The following PCDHB11 variants were observed in gnomAD, a reference collection of about 807,000 sequenced individuals.
The protein encoded by PCDHB11 is protocadherin beta 11, also known as protocadherin beta-11.
For synonymous variants in PCDHB11, 522 were observed against 442.0 expected, an observed-to-expected ratio of 1.18 and a Z score of -2.27; for missense variants, 1,151 against 1,003.4, an observed-to-expected ratio of 1.15 and a Z score of -1.99.
In PCDHB11 at chr5:141,203,238, C is replaced by A. The variant is rs1414120031; in HGVS notation, c.*1070C>A. 1.3e-5 allele frequency: 2 copies of A among 152,214 alleles called. No individual in the cohort carries two copies. The highest frequency in any genetic ancestry group is 3.9e-4 in the East Asian group (2 of 5,180). 9.4% of individuals were successfully genotyped at this position (152,214 alleles called of 1,614,324 possible). The stretch of plus-strand genomic sequence containing the variant: ...AGCTGGGATTACAGGTGCACCACCA[C>A]ACCCAGCTAATTTTGCATTTTTAGT... On this transcript the variant is annotated 3_prime_UTR_variant, in exon 1 of 1. Transcript: ENST00000354757.
At position 141,202,001 on chromosome 5, in the gene PCDHB11, G is replaced by C; in HGVS notation, c.2227G>C (p.Gly743Arg). 6.2e-7 allele frequency: 1 copy of C among 1,614,186 alleles called. No individual in the cohort carries two copies. Among genetic ancestry groups the C allele is most frequent in the Non-Finnish European group, 8.5e-7 (1 of 1,180,022 alleles). Residue 743 changes from glycine (G) to arginine (R), a missense_variant, in exon 1 of 1, where the codon GGG becomes CGG. Transcript: ENST00000354757. The stretch of plus-strand genomic sequence containing the variant: ...GCATCTGGTGGACGTGAGCGGCACC[G>C]GGACCCTTTCCCAGAGCTACCAGTA... ...PGHLVDVSGT[G>R]TLSQSYQYEV...
Position 141,201,810 on chromosome 5 carries a change from C to T in PCDHB11, c.2036C>T (p.Ala679Val). The stretch of plus-strand genomic sequence containing the variant: ...CTGCCGCTCCCTGAGGCGGCACCGG[C>T]CCAGGCCCAGGCCGACTCGCTCACC... ...PYLPLPEAAP[A>V]QAQADSLTVY... is the part of the protein sequence containing the mutation. The change falls in exon 1 of 1, where the codon GCC (alanine) becomes GTC (valine). Residue 679 changes from alanine (A) to valine (V), a missense_variant. Transcript: ENST00000354757. 1 of 1,610,322 alleles carries T rather than the reference C, an allele frequency of 6.2e-7. No individual in the cohort carries two copies. The highest frequency in any genetic ancestry group is 8.5e-7 in the Non-Finnish European group (1 of 1,179,776).
chr5:141,202,405 T>G lies in PCDHB11; in HGVS notation c.*237T>G. 1 of 327,032 alleles carries G rather than the reference T, an allele frequency of 3.1e-6. No individual in the cohort carries two copies. The highest frequency in any genetic ancestry group is 5.5e-6 in the Non-Finnish European group (1 of 183,186). 20.3% of individuals were successfully genotyped at this position (327,032 alleles called of 1,614,324 possible). On this transcript the variant is annotated 3_prime_UTR_variant, in exon 1 of 1. Transcript: ENST00000354757. ...CCCTCCGCCTCTCGGGTTCAAGCAA[T>G]TCTCCTGCATCAGCCTCCCGAGTAG... is the stretch of plus-strand genomic sequence containing the variant.
Position 141,202,072 on chromosome 5 carries a change from C to G in PCDHB11, c.2298C>G (p.Phe766Leu). The G allele has an allele frequency of 6.2e-7, 1 of 1,614,144 alleles. No homozygotes were observed. ...TGGSETNEFKFLKPVIPNIQA... is the reference protein window; with the variant it reads ...TGGSETNEFKLLKPVIPNIQA... ...GTTCCGAGACAAATGAATTCAAGTT[C>G]CTAAAACCGGTTATCCCTAATATCC... The change falls in exon 1 of 1, where the codon TTC becomes TTG. Residue 766 changes from phenylalanine (F) to leucine (L), a missense_variant. Physicochemically the swap from Phe to Leu is conservative, Grantham distance 22 (BLOSUM62 0). Transcript: ENST00000354757.
rs201116406 is a variant in PCDHB11 at position 141,199,880 on chromosome 5, G to A, written c.106G>A (p.Ala36Thr). The A allele has an allele frequency of 1.0e-4, 168 of 1,614,048 alleles. No homozygotes were observed. The highest frequency in any genetic ancestry group is 1.4e-4 in the Non-Finnish European group (160 of 1,180,052). Residue 36 changes from alanine to threonine, a missense_variant, in exon 1 of 1, where the codon GCA becomes ACA. Coordinates refer to ENST00000354757, the MANE Select transcript of PCDHB11 (RefSeq NM_018931.3). ...CTCTGAAACCTGGAGCTTTTCTGTG[G>A]CAGAAGAAATGCAGAGCGGGAGTTT... is the stretch of plus-strand genomic sequence containing the variant. ...AGSETWSFSV[A>T]EEMQSGSFVG...
rs1754242361 is a variant in PCDHB11, at chr5:141,202,978, A to G, written c.*810A>G. ...TTTTATATTAAGTAACAGGTAGTTA[A>G]TCCATTTCTAATGAATAATTTTAAG... On this transcript the variant is annotated 3_prime_UTR_variant, in exon 1 of 1. Transcript: ENST00000354757. The G allele has an allele frequency of 6.6e-6, 1 of 152,186 alleles. No homozygotes were observed. Among genetic ancestry groups the G allele is most frequent in the South Asian group, 2.1e-4 (1 of 4,826 alleles). The allele number at this position is 152,186 out of a possible 1,614,324, so 9.4% of individuals were successfully genotyped here.
Position 141,202,264 on chromosome 5 carries a change from G to T in PCDHB11, c.*96G>T. On this transcript the variant is annotated 3_prime_UTR_variant, in exon 1 of 1. Transcript: ENST00000354757. ...AACTAGTTACGTTATTATGCAATAC[G>T]ACTAATTGTATTTTTAATTTTTTCT... 9.0e-7 allele frequency: 1 copy of T among 1,116,880 alleles called. No individual in the cohort carries two copies. Among genetic ancestry groups the T allele is most frequent in the Non-Finnish European group, 1.2e-6 (1 of 806,798 alleles). 69.2% of individuals were successfully genotyped at this position (1,116,880 alleles called of 1,614,324 possible). A position where few individuals can be genotyped will look rare whatever the true frequency, so the allele number is the denominator to read the frequency against.
chr5:141,201,035 A>G lies in PCDHB11; in HGVS notation c.1261A>G (p.Ile421Val). ...RESTAEYNIT[I>V]TVTDLGIPRL... ...GAGCACAGCCGAGTACAATATCACC[A>G]TCACCGTCACCGACTTGGGGATACC... The change falls in exon 1 of 1, where the codon ATC (isoleucine) becomes GTC (valine). Residue 421 changes from isoleucine (I) to valine (V), a missense_variant. Transcript: ENST00000354757. 2 of 1,614,220 alleles carry G rather than the reference A, an allele frequency of 1.2e-6. No homozygotes were observed. The highest frequency in any genetic ancestry group is 1.7e-6 in the Non-Finnish European group (2 of 1,180,042).
chr5:141,201,197 G>C lies in PCDHB11; in HGVS notation c.1423G>C (p.Ala475Pro), dbSNP rs781897329. The C allele has an allele frequency of 1.2e-6, 2 of 1,613,166 alleles. No individual in the cohort carries two copies. The highest frequency in any genetic ancestry group is 4.5e-5 in the East Asian group (2 of 44,886). ...CGCCCTGCACATCGGCAGTGTCAGC[G>C]CTACAGACAGAGACTCAGGCACCAA... ...SPALHIGSVS[A>P]TDRDSGTNAQ... Residue 475 changes from alanine to proline, a missense_variant, in exon 1 of 1, where the codon GCT becomes CCT. Coordinates refer to ENST00000354757, the MANE Select transcript of PCDHB11 (RefSeq NM_018931.3).
rs1754247370 is a variant in PCDHB11, at chr5:141,203,239, A to T, written c.*1071A>T. Reference sequence around the variant, plus strand: ...GCTGGGATTACAGGTGCACCACCACACCCAGCTAATTTTGCATTTTTAGTA... The same window carrying T: ...GCTGGGATTACAGGTGCACCACCACTCCCAGCTAATTTTGCATTTTTAGTA... On this transcript the variant is annotated 3_prime_UTR_variant, in exon 1 of 1. Transcript: ENST00000354757. 6.6e-6 allele frequency: 1 copy of T among 151,830 alleles called. No individual in the cohort carries two copies. The highest frequency in any genetic ancestry group is 2.1e-4 in the South Asian group (1 of 4,806). 9.4% of individuals were successfully genotyped at this position (151,830 alleles called of 1,614,324 possible).
chr5:141,201,275 G>A lies in PCDHB11; in HGVS notation c.1501G>A (p.Ala501Thr), dbSNP rs1554285552. The A allele has an allele frequency of 3.7e-6, 6 of 1,613,442 alleles. No homozygotes were observed. The highest frequency in any genetic ancestry group is 2.2e-5 in the South Asian group (2 of 91,052). Residue 501 changes from alanine (A) to threonine (T), a missense_variant, in exon 1 of 1, where the codon GCC becomes ACC. Transcript: ENST00000354757. ...LPPQDLHLPL[A>T]SLVSINTDNG... is the part of the protein sequence containing the mutation. ...GCCCCAGGACCTGCACCTGCCCCTC[G>A]CCTCCCTGGTCTCCATCAACACAGA...
Position 141,202,111 on chromosome 5 carries a change from T to C in PCDHB11, c.2337T>C (p.Leu779=). 2 of 1,614,148 alleles carry C rather than the reference T, an allele frequency of 1.2e-6. No individual in the cohort carries two copies. The highest frequency in any genetic ancestry group is 2.2e-5 in the East Asian group (1 of 44,888). ...PVIPNIQAKG[L]GKNSEENSTF... is the part of the protein sequence containing the mutation. ...TCCCTAATATCCAGGCAAAAGGTCT[T>C]GGGAAGAATAGTGAAGAAAACTCCA... is the stretch of plus-strand genomic sequence containing the variant. The change falls in exon 1 of 1, where the codon CTT becomes CTC. Residue 779 remains leucine, a synonymous_variant. Coordinates refer to ENST00000354757, the MANE Select transcript of PCDHB11 (RefSeq NM_018931.3).
chr5:141,200,568 C>T lies in PCDHB11; in HGVS notation c.794C>T (p.Ser265Leu). The T allele has an allele frequency of 1.2e-6, 2 of 1,614,178 alleles. No individual in the cohort carries two copies. Among genetic ancestry groups the T allele is most frequent in the Non-Finnish European group, 8.5e-7 (1 of 1,180,034 alleles). Reference protein sequence around the residue: ...SILGSLILIVSAWDLDSGTNG... With the variant: ...SILGSLILIVLAWDLDSGTNG... ...CTTGGCTCGCTGATTTTGATTGTCT[C>T]AGCTTGGGATTTAGACTCTGGAACA... The change falls in exon 1 of 1, where the codon TCA becomes TTA. Residue 265 changes from serine to leucine, a missense_variant. Physicochemically the swap from Ser to Leu is moderately radical, Grantham distance 145. Coordinates refer to ENST00000354757, the MANE Select transcript of PCDHB11 (RefSeq NM_018931.3).
chr5:141,199,696 C>A lies in PCDHB11; in HGVS notation c.-79C>A. ...CAACAGGGTTAAAATCCTTAGACCA[C>A]AGAGGATTTGGTGGACAAGTCAGAG... is the stretch of plus-strand genomic sequence containing the variant. On this transcript the variant is annotated 5_prime_UTR_variant, in exon 1 of 1. Coordinates refer to ENST00000354757, the MANE Select transcript of PCDHB11 (RefSeq NM_018931.3). 7.8e-7 allele frequency: 1 copy of A among 1,290,198 alleles called. No homozygotes were observed. Among genetic ancestry groups the A allele is most frequent in the Non-Finnish European group, 1.1e-6 (1 of 925,124 alleles). 79.9% of individuals were successfully genotyped at this position (1,290,198 alleles called of 1,614,324 possible). A position where few individuals can be genotyped will look rare whatever the true frequency, so the allele number is the denominator to read the frequency against.
In PCDHB11 at chr5:141,200,958, C is replaced by G. The variant is rs1554285438; in HGVS notation, c.1184C>G (p.Ser395Cys). The G allele has an allele frequency of 2.5e-6, 4 of 1,614,192 alleles. No individual in the cohort carries two copies. The East Asian group carries it at 8.9e-5, about 36-fold the overall frequency. Residue 395 changes from serine (S) to cysteine (C), a missense_variant, in exon 1 of 1, where the codon TCT (serine) becomes TGT (cysteine). By Grantham distance (112) the Ser-to-Cys change is moderately radical. Coordinates refer to ENST00000354757, the MANE Select transcript of PCDHB11 (RefSeq NM_018931.3). ...GAAGACCTCCCATTCGTGCTAAAAT[C>G]TTCAGTTGAGAATTACTACACGTTG... ...IPEDLPFVLKSSVENYYTLET... is the reference protein window; with the variant it reads ...IPEDLPFVLKCSVENYYTLET...
At position 141,200,248 on chromosome 5, in the gene PCDHB11, G is replaced by T. The variant is rs782543779; in HGVS notation, c.474G>T (p.Lys158Asn). 1 of 1,614,136 alleles carries T rather than the reference G, an allele frequency of 6.2e-7. No individual in the cohort carries two copies. Among genetic ancestry groups the T allele is most frequent in the Non-Finnish European group, 8.5e-7 (1 of 1,180,034 alleles). The change falls in exon 1 of 1, where the codon AAG (lysine) becomes AAT (asparagine). Residue 158 changes from lysine (K) to asparagine (N), a missense_variant. Coordinates refer to ENST00000354757, the MANE Select transcript of PCDHB11 (RefSeq NM_018931.3). ...VGAVFLLESA[K>N]DLDVGINAVK... ...CTGTGTTCTTACTAGAAAGTGCGAA[G>T]GATTTAGATGTAGGAATCAATGCTG... is the stretch of plus-strand genomic sequence containing the variant.
Position 141,202,131 on chromosome 5 carries a change from A to T in PCDHB11, c.2357A>T (p.Asn786Ile). 1.2e-6 allele frequency: 2 copies of T among 1,607,770 alleles called. No individual in the cohort carries two copies. The highest frequency in any genetic ancestry group is 1.7e-6 in the Non-Finnish European group (2 of 1,176,804). ...AKGLGKNSEE[N>I]STFRNSFGFN... ...GGTCTTGGGAAGAATAGTGAAGAAAACTCCACCTTTCGAAATAGCTTTGGA... is the reference window on the plus strand; with the variant it reads ...GGTCTTGGGAAGAATAGTGAAGAAATCTCCACCTTTCGAAATAGCTTTGGA... The change falls in exon 1 of 1, where the codon AAC (asparagine) becomes ATC (isoleucine). Residue 786 changes from asparagine to isoleucine, a missense_variant. Transcript: ENST00000354757.
At position 141,200,295 on chromosome 5, in the gene PCDHB11, C is replaced by G; in HGVS notation, c.521C>G (p.Pro174Arg). 1.9e-6 allele frequency: 3 copies of G among 1,614,108 alleles called. No individual in the cohort carries two copies. The highest frequency in any genetic ancestry group is 2.5e-6 in the Non-Finnish European group (3 of 1,180,022). ...INAVKSYTIS[P>R]NSHFHIKMRV... Reference sequence around the variant, plus strand: ...GCTGTAAAAAGCTACACAATAAGCCCCAACTCTCATTTTCACATTAAAATG... The same window carrying G: ...GCTGTAAAAAGCTACACAATAAGCCGCAACTCTCATTTTCACATTAAAATG... The change falls in exon 1 of 1, where the codon CCC becomes CGC. Residue 174 changes from proline (P) to arginine (R), a missense_variant. Physicochemically the swap from Pro to Arg is moderately radical, Grantham distance 103 (BLOSUM62 -2). Coordinates refer to ENST00000354757, the MANE Select transcript of PCDHB11 (RefSeq NM_018931.3).
In PCDHB11 at chr5:141,200,216, G is replaced by A; in HGVS notation, c.442G>A (p.Val148Ile). Residue 148 changes from valine to isoleucine, a missense_variant, in exon 1 of 1, where the codon GTT becomes ATT. By Grantham distance (29) the Val-to-Ile change is conservative. Transcript: ENST00000354757. ...MLLEIPENSP[V>I]GAVFLLESAK... is the part of the protein sequence containing the mutation. Reference sequence around the variant, plus strand: ...CCTAGAAATCCCAGAGAACAGTCCCGTTGGTGCTGTGTTCTTACTAGAAAG... The same window carrying A: ...CCTAGAAATCCCAGAGAACAGTCCCATTGGTGCTGTGTTCTTACTAGAAAG... 1.2e-6 allele frequency: 2 copies of A among 1,614,162 alleles called. No individual in the cohort carries two copies. The highest frequency in any genetic ancestry group is 1.7e-6 in the Non-Finnish European group (2 of 1,180,024).
Sources: gnomAD v4.1 joint callset for allele counts on GRCh38, gnomAD v4.1.1 for gene constraint, MANE v1.5 for transcripts, NCBI Gene and HGNC (gene_info 2026-07-23, HGNC 2026-07-21) for gene names.